IL1RAPL1: variants seen among roughly 807,000 people sequenced by gnomAD.
IL1RAPL1 encodes the protein interleukin-1 receptor accessory protein-like 1.
In IL1RAPL1, 3 loss-of-function variants were observed where a neutral mutation model predicts 48.4. The observed-to-expected ratio is 0.06, with a 90% CI of 0.03 to 0.16. The LOEUF is 0.16. Among genes scored for constraint, IL1RAPL1 ranks in the 10% least tolerant of loss-of-function variants. The probability of loss-of-function intolerance (pLI) is 1.00; values close to 1 mark genes in which losing one functional copy is unlikely to be tolerated. For synonymous variants in IL1RAPL1, 185 were observed against 187.7 expected, an observed-to-expected ratio of 0.99 and a Z score of 0.12; for missense variants, 349 against 530.6, an observed-to-expected ratio of 0.66 and a Z score of 3.36.
At chrX:28,984,873 G>A (rs886546666) in intron 2 of IL1RAPL1, among the ~76,000 whole-genome samples, 2 of 111,670 alleles carry the variant, frequency 1.8e-5, no homozygotes, top group Middle Eastern at 4.2e-3. Context: ...TTTCTAATAC[G>A]AATTTCATGA....
intron 6 of IL1RAPL1, among the ~76,000 whole-genome samples, chrX:29,813,159 T>C (rs952409624): frequency 1.8e-5 from 2 of 111,592 alleles, no homozygotes; most frequent in Admixed American, 1.9e-4. Context: ...AAAATATATA[T>C]CCGGGAAATA....
chrX:29,832,476 G>T (rs774544171), intron 6 of IL1RAPL1, among the ~76,000 whole-genome samples: 3 of 111,080 alleles, frequency 2.7e-5, no homozygotes, highest in Admixed American at 9.6e-5. Flanking sequence ...TAACAGAAAA[G>T]CTTTATGAAT....
rs1011226131 is a variant in IL1RAPL1, at chrX:28,766,381, A to T, written c.-24-22939A>T. Among the ~76,000 whole-genome samples, 4 of 33,006 alleles carry T rather than the reference A, an allele frequency of 1.2e-4. No homozygotes were observed. The South Asian group carries it at 5.4e-3, about 45-fold the overall frequency. 28.7% of individuals were successfully genotyped at this position (33,006 alleles called of 115,157 possible). ...GCAGATTCAAATGACACACTCTTTAAAAAAAAAAATTATTATTTTTAGTTT... is the reference window on the plus strand; with the variant it reads ...GCAGATTCAAATGACACACTCTTTATAAAAAAAAATTATTATTTTTAGTTT... On this transcript the variant is annotated intron_variant, in intron 1 of 10. Coordinates refer to ENST00000378993, the MANE Select transcript of IL1RAPL1 (RefSeq NM_014271.4).
chrX:29,858,783 A>T (rs866605634), intron 6 of IL1RAPL1, among the ~76,000 whole-genome samples: 4 of 107,853 alleles, frequency 3.7e-5, no homozygotes, highest in East Asian at 2.9e-4. Flanking sequence ...GTTTTTTTTT[A>T]AATTTTGTTC....
intron 5 of IL1RAPL1, among the ~76,000 whole-genome samples, chrX:29,626,907 A>G (rs924367077): frequency 3.6e-5 from 4 of 112,343 alleles, no homozygotes; most frequent in African/African-American, 6.5e-5. Context: ...CAGCCTTTAT[A>G]ATATAGAATG....
chrX:29,944,688 A>G (rs547502402), intron 9 of IL1RAPL1, among the ~76,000 whole-genome samples: 3 of 111,566 alleles, frequency 2.7e-5, no homozygotes, highest in African/African-American at 9.8e-5. Flanking sequence ...TCTTGTTTAA[A>G]CCTGTTTCCA....
chrX:29,470,265 T>C (rs902778676), intron 5 of IL1RAPL1, among the ~76,000 whole-genome samples: 1 of 112,057 alleles, frequency 8.9e-6, no homozygotes, highest in South Asian at 3.7e-4. Context: ...GTCTCCAAGA[T>C]CTTTTATTGG....
intron 6 of IL1RAPL1, among the ~76,000 whole-genome samples, chrX:29,895,863 T>C (rs1002570352): frequency 1.8e-5 from 2 of 111,469 alleles, no homozygotes; most frequent in African/African-American, 3.3e-5. Flanking sequence ...TCAGTAAATA[T>C]GGGTGGTAAA....
chrX:29,905,267 A>G (rs762892018), intron 6 of IL1RAPL1, among the ~76,000 whole-genome samples: 7 of 110,894 alleles, frequency 6.3e-5, no homozygotes, highest in African/African-American at 2.0e-4. Context: ...TCTGGATATT[A>G]GACCTTTGTC....
intron 2 of IL1RAPL1, among the ~76,000 whole-genome samples, chrX:29,053,630 T>C (rs1927147485): frequency 8.9e-6 from 1 of 112,113 alleles, no homozygotes; most frequent in African/African-American, 3.2e-5. Context: ...ATTTTCATCA[T>C]GAAATCTTTG....
intron 1 of IL1RAPL1, among the ~76,000 whole-genome samples, chrX:28,737,211 CTTTCTT>C (rs1935849955): frequency 4.0e-5 from 2 of 50,496 alleles, no homozygotes; most frequent in Admixed American, 3.7e-4. Context: ...CTTTCTCTTT[CTTTCTT>C]TCTTTCTTTC....
intron 1 of IL1RAPL1, among the ~76,000 whole-genome samples, chrX:28,758,634 C>T (rs983907245): frequency 5.4e-5 from 6 of 111,378 alleles, no homozygotes; most frequent in African/African-American, 2.0e-4. Context: ...GATTTAGAGA[C>T]AGAGGTTCTC....
At chrX:28,957,068 C>T (rs1255342277) in intron 2 of IL1RAPL1, among the ~76,000 whole-genome samples, 1 of 110,654 alleles carries the variant, frequency 9.0e-6, no homozygotes, top group African/African-American at 3.3e-5. Flanking sequence ...TTGTAGTATT[C>T]TCTGATGGTA....
chrX:29,331,150 CAG>C (rs1480489050), intron 3 of IL1RAPL1, among the ~76,000 whole-genome samples: 1 of 111,419 alleles, frequency 9.0e-6, no homozygotes, highest in African/African-American at 3.3e-5. Context: ...CTGGGTGTGA[CAG>C]AGCGAAACTC....
At chrX:29,720,880 A>T (rs747055571) in intron 6 of IL1RAPL1, among the ~76,000 whole-genome samples, 146 of 112,594 alleles carry the variant, frequency 1.3e-3, no homozygotes, top group Non-Finnish European at 1.7e-3. Context: ...TATATTGGGA[A>T]AAAGGAGCAA....
intron 2 of IL1RAPL1, among the ~76,000 whole-genome samples, chrX:29,124,675 A>G (rs1045402053): frequency 2.7e-5 from 3 of 112,396 alleles, no homozygotes; most frequent in African/African-American, 6.5e-5. Flanking sequence ...TGGAAGGTCA[A>G]TGTAATTGGC....
At chrX:29,830,703 T>G (rs1930855824) in intron 6 of IL1RAPL1, among the ~76,000 whole-genome samples, 1 of 111,018 alleles carries the variant, frequency 9.0e-6, no homozygotes, top group Admixed American at 9.6e-5. Context: ...TCCACCCATC[T>G]CGGCCTCCCA....
chrX:28,803,590 T>C (rs1195199572), intron 2 of IL1RAPL1, among the ~76,000 whole-genome samples: 2 of 112,108 alleles, frequency 1.8e-5, no homozygotes, highest in African/African-American at 3.2e-5. Context: ...AGGCATATAA[T>C]ACACCCCCCA....
chrX:28,913,752 A>G (rs1923418758), intron 2 of IL1RAPL1, among the ~76,000 whole-genome samples: 1 of 111,839 alleles, frequency 8.9e-6, no homozygotes, highest in African/African-American at 3.2e-5. Flanking sequence ...TATGGCATAG[A>G]AACATGAAGA....
Sources: allele counts gnomAD v4.1 joint callset (sites outside exome capture counted in the v4.1 genomes callset), GRCh38; gene constraint gnomAD v4.1.1; transcripts MANE v1.5; gene names NCBI Gene and HGNC (gene_info 2026-07-23, HGNC 2026-07-21).